The following TMEM154 variants were observed in gnomAD, a reference collection of about 807,000 sequenced individuals.
TMEM154 encodes the protein transmembrane protein 154.
In TMEM154, 27 loss-of-function variants were observed where a neutral mutation model predicts 24.5. The ratio of observed to expected loss-of-function variants is 1.10; its 90% CI spans 0.81 to 1.52. The LOEUF (loss-of-function observed/expected upper bound fraction) is 1.52, where lower values mean the gene tolerates loss of function less well. Among genes scored for constraint, TMEM154 ranks in the 40% most tolerant of loss-of-function variants. The pLI, the probability that TMEM154 is intolerant of heterozygous loss-of-function variation, is 0.00. For synonymous variants in TMEM154, 67 were observed against 76.8 expected (o/e 0.87, Z 0.67); for missense variants, 228 against 213.4 (o/e 1.07, Z -0.43).
intron 6 of TMEM154, among the ~76,000 whole-genome samples, chr4:152,630,488 T>C (rs931643831): frequency 3.8e-4 from 58 of 152,224 alleles, no homozygotes; most frequent in African/African-American, 1.4e-3. Context: ...TGGGTGGTAG[T>C]AAGAGAATAT....
chr4:152,667,700 T>A (rs1728747418), intron 1 of TMEM154, among the ~76,000 whole-genome samples: 1 of 152,252 alleles, frequency 6.6e-6, no homozygotes. Flanking sequence ...AGCTTGTAAG[T>A]GCAGAAAGGT....
At chr4:152,676,423 T>C (rs1426654815) in intron 1 of TMEM154, among the ~76,000 whole-genome samples, 1 of 152,248 alleles carries the variant, frequency 6.6e-6, no homozygotes. Context: ...AATGGACTCC[T>C]GAGGCAGAAT....
At chr4:152,635,615 C>G (rs1184593273) in intron 6 of TMEM154, among the ~76,000 whole-genome samples, 1 of 152,170 alleles carries the variant, frequency 6.6e-6, no homozygotes, top group South Asian at 2.1e-4. Flanking sequence ...CCACAAAATT[C>G]TCTATTAAAC....
At chr4:152,668,997 A>C (rs1406069518) in intron 1 of TMEM154, 2 of 152,218 alleles carry the variant, frequency 1.3e-5, no homozygotes, top group African/African-American at 4.8e-5. Flanking sequence ...TCTAGGCTCA[A>C]GCACTCTGAA....
Position 152,628,544 on chromosome 4 carries a change from G to C in TMEM154, c.*2C>G, listed in dbSNP as rs768276470. 5.5e-6 allele frequency: 4 copies of C among 724,566 alleles called. No homozygotes were observed. In the South Asian group the frequency reaches 5.7e-5, roughly 10 times the overall value. 44.9% of individuals were successfully genotyped at this position (724,566 alleles called of 1,614,324 possible). A position where few individuals can be genotyped will look rare whatever the true frequency, so the allele number is the denominator to read the frequency against. ...CTTGGAAAACATGAGCGCCATTCAG[G>C]TTTAGGATTCACTGTCACTGTAAAA... is the stretch of plus-strand genomic sequence containing the variant. On this transcript the variant is annotated 3_prime_UTR_variant, in exon 7 of 7. Transcript: ENST00000304385.
At chr4:152,658,252 A>C (rs1168333058) in intron 1 of TMEM154, among the ~76,000 whole-genome samples, 3 of 152,186 alleles carry the variant, frequency 2.0e-5, no homozygotes, top group Admixed American at 6.5e-5. Flanking sequence ...TAAAAATGGA[A>C]ACACACCATG....
intron 5 of TMEM154, 84 bp from the exon 6 acceptor site, chr4:152,641,069 G>T: frequency 1.5e-6 from 2 of 1,347,842 alleles, no homozygotes; most frequent in South Asian, 1.3e-5. Flanking sequence ...AAATACCATA[G>T]TTCTCTGATC....
In TMEM154 at chr4:152,622,752, T is replaced by C. The variant is rs981580718; in HGVS notation, c.*5794A>G. 5.3e-5 allele frequency: 8 copies of C among 152,334 alleles called. No individual in the cohort carries two copies. Among genetic ancestry groups the C allele is most frequent in the African/African-American group, 1.9e-4 (8 of 41,570 alleles). 9.4% of individuals were successfully genotyped at this position (152,334 alleles called of 1,614,324 possible). On this transcript the variant is annotated 3_prime_UTR_variant, in exon 7 of 7. Coordinates refer to ENST00000304385, the MANE Select transcript of TMEM154 (RefSeq NM_152680.3). ...TACATATTATTCTCAGTATGCAAAG[T>C]AGGAGAAAAACACCTAAAACCTTTA...
intron 3 of TMEM154, among the ~76,000 whole-genome samples, chr4:152,649,634 T>A (rs571642400): frequency 6.6e-6 from 1 of 152,310 alleles, no homozygotes; most frequent in Non-Finnish European, 1.5e-5. Flanking sequence ...CTTCTGGTGG[T>A]GATGACCCCA....
intron 1 of TMEM154, among the ~76,000 whole-genome samples, chr4:152,664,176 G>A (rs548841966): frequency 2.0e-5 from 3 of 152,264 alleles, no homozygotes; most frequent in Admixed American, 6.5e-5. Flanking sequence ...CATATACACC[G>A]TGGAATACTA....
intron 1 of TMEM154, among the ~76,000 whole-genome samples, chr4:152,673,813 A>ATTTTG (rs1344905357): frequency 6.6e-6 from 1 of 151,962 alleles, no homozygotes; most frequent in Non-Finnish European, 1.5e-5. Context: ...GGTTGCTTTC[A>ATTTTG]TTTTGTTTTG....
intron 1 of TMEM154, among the ~76,000 whole-genome samples, chr4:152,659,935 T>C (rs1055837543): frequency 2.0e-5 from 3 of 152,208 alleles, no homozygotes; most frequent in Admixed American, 6.5e-5. Flanking sequence ...ATGTGATCTC[T>C]CTCTGGCTCT....
intron 1 of TMEM154, among the ~76,000 whole-genome samples, chr4:152,658,966 A>C (rs566761798): frequency 6.6e-6 from 1 of 152,344 alleles, no homozygotes; most frequent in Non-Finnish European, 1.5e-5. Context: ...ATTTCTCAAA[A>C]AACTAACAAG....
chr4:152,643,403 C>T (rs996473660), intron 4 of TMEM154, among the ~76,000 whole-genome samples: 3 of 152,216 alleles, frequency 2.0e-5, no homozygotes, highest in Non-Finnish European at 4.4e-5. Context: ...GGGGTGCCCA[C>T]AGGCCCAACA....
chr4:152,641,216 G>A (rs369127240), intron 5 of TMEM154: 3 of 489,004 alleles, frequency 6.1e-6, no homozygotes, highest in Non-Finnish European at 1.1e-5. Flanking sequence ...ACACTGGAAA[G>A]GACACAATTC....
chr4:152,642,733 A>G (rs1426869696), intron 5 of TMEM154, among the ~76,000 whole-genome samples: 2 of 152,238 alleles, frequency 1.3e-5, no homozygotes, highest in Admixed American at 1.3e-4. Context: ...AAAGTTTTAT[A>G]TCCATAGTCA....
intron 1 of TMEM154, among the ~76,000 whole-genome samples, chr4:152,654,666 A>C (rs1728456122): frequency 6.6e-6 from 1 of 152,194 alleles, no homozygotes; most frequent in African/African-American, 2.4e-5. Flanking sequence ...AGAAAACCAG[A>C]GTTCTCTTTC....
chr4:152,632,124 A>G (rs1752056444), intron 6 of TMEM154, among the ~76,000 whole-genome samples: 4 of 152,090 alleles, frequency 2.6e-5, no homozygotes, highest in African/African-American at 9.7e-5. Context: ...TCCTTTTCAA[A>G]TATGATTTCT....
rs1474567105 is a variant in TMEM154 at position 152,624,958 on chromosome 4, T to C, written c.*3588A>G. The C allele has an allele frequency of 6.6e-6, 1 of 152,206 alleles. No homozygotes were observed. Among genetic ancestry groups the C allele is most frequent in the Admixed American group, 6.5e-5 (1 of 15,282 alleles). 9.4% of individuals were successfully genotyped at this position (152,206 alleles called of 1,614,324 possible). A position where few individuals can be genotyped will look rare whatever the true frequency, so the allele number is the denominator to read the frequency against. On this transcript the variant is annotated 3_prime_UTR_variant, in exon 7 of 7. Transcript: ENST00000304385. The stretch of plus-strand genomic sequence containing the variant: ...TTTAATTCAGTATAAAATTTCCATG[T>C]TCTCCCACAAGGAGGATTTCAGCAG...
Sources: allele counts gnomAD v4.1 joint callset (sites outside exome capture counted in the v4.1 genomes callset), GRCh38; gene constraint gnomAD v4.1.1; transcripts MANE v1.5; gene names NCBI Gene and HGNC (gene_info 2026-07-23, HGNC 2026-07-21).